The following C1QTNF3 variants were observed in gnomAD, a reference collection of about 807,000 sequenced individuals.
C1QTNF3 encodes C1q and TNF related 3.
C1QTNF3 carries 26 observed loss-of-function variants against 32.6 expected under a neutral mutation model. The observed-to-expected ratio is 0.80, with a 90% confidence interval of 0.58 to 1.11. The LOEUF is 1.11. Ranked by LOEUF, C1QTNF3 falls within the 50% of genes least tolerant of loss-of-function variation. The pLI is 0.00. For missense variants in C1QTNF3, 362 were observed against 398.2 expected, an observed-to-expected ratio of 0.91 and a Z score of 0.77; for synonymous variants, 155 against 146.0, an observed-to-expected ratio of 1.06 and a Z score of -0.44.
the C1QTNF3 span, among the ~76,000 whole-genome samples, chr5:34,159,060 C>T: frequency 6.6e-6 from 1 of 151,822 alleles, no homozygotes; most frequent in Non-Finnish European, 1.5e-5. Context: ...TTAAAAACAC[C>T]AAATAAGTCA....
At chr5:34,113,315 T>C in the C1QTNF3 span, among the ~76,000 whole-genome samples, 5 of 151,188 alleles carry the variant, frequency 3.3e-5, no homozygotes, top group African/African-American at 2.4e-5. Flanking sequence ...ATTAGCCAGA[T>C]ACCATGTGGT....
chr5:34,057,599 A>C, the C1QTNF3 span, among the ~76,000 whole-genome samples: 2 of 152,214 alleles, frequency 1.3e-5, no homozygotes, highest in Non-Finnish European at 2.9e-5. Flanking sequence ...TTCTCAAAAA[A>C]TATGGACCTT....
chr5:34,122,322 A>AAT, the C1QTNF3 span, among the ~76,000 whole-genome samples: 1 of 152,246 alleles, frequency 6.6e-6, no homozygotes, highest in African/African-American at 2.4e-5. Context: ...AGTAGTCAAG[A>AAT]ATATAATGCT....
chr5:34,203,671 G>A, the C1QTNF3 span, among the ~76,000 whole-genome samples: 879 of 151,614 alleles, frequency 5.8e-3, 10 homozygotes, highest in African/African-American at 0.021. Context: ...GGATGACAGA[G>A]TGAAACTCCA....
chr5:34,105,204 T>G, the C1QTNF3 span, among the ~76,000 whole-genome samples: 1 of 152,202 alleles, frequency 6.6e-6, no homozygotes, highest in Non-Finnish European at 1.5e-5. Context: ...TTAACTTTGA[T>G]TTCACTATGT....
chr5:34,164,643 A>T, the C1QTNF3 span: 1 of 152,046 alleles, frequency 6.6e-6, no homozygotes, highest in Admixed American at 6.6e-5. Context: ...TAAAAAAGCA[A>T]GGAGTGCTCA....
chr5:34,111,820 G>A, the C1QTNF3 span, among the ~76,000 whole-genome samples: 1 of 152,168 alleles, frequency 6.6e-6, no homozygotes, highest in Non-Finnish European at 1.5e-5. Context: ...TGGGATGAAA[G>A]TAAAAAACAA....
At chr5:34,225,331 T>C in the C1QTNF3 span, among the ~76,000 whole-genome samples, 1 of 152,006 alleles carries the variant, frequency 6.6e-6, no homozygotes, top group Admixed American at 6.6e-5. Flanking sequence ...ACTAACATTG[T>C]TTTGTTAATT....
chr5:34,084,665 A>G, the C1QTNF3 span, among the ~76,000 whole-genome samples: 9 of 150,676 alleles, frequency 6.0e-5, no homozygotes, highest in African/African-American at 9.9e-5. Context: ...TACTGAGGAT[A>G]ATAAACTGTA....
At chr5:34,030,495 G>T (rs2008827) in intron 3 of C1QTNF3, among the ~76,000 whole-genome samples, 4,346 of 152,162 alleles carry the variant, frequency 0.029, 70 homozygotes, top group Middle Eastern at 0.099. Context: ...TGGAGAATGG[G>T]GTAGTACTCT....
the C1QTNF3 span, among the ~76,000 whole-genome samples, chr5:34,219,054 G>T: frequency 6.6e-6 from 1 of 151,966 alleles, no homozygotes; most frequent in Non-Finnish European, 1.5e-5. Context: ...AATATATTTT[G>T]AATACTTTTT....
the C1QTNF3 span, among the ~76,000 whole-genome samples, chr5:34,048,379 A>C: frequency 6.6e-6 from 1 of 151,990 alleles, no homozygotes; most frequent in Non-Finnish European, 1.5e-5. Context: ...ATCAGGCTCC[A>C]AACAGAGAAA....
chr5:34,081,702 G>C, the C1QTNF3 span, among the ~76,000 whole-genome samples: 8 of 151,352 alleles, frequency 5.3e-5, no homozygotes, highest in Non-Finnish European at 8.8e-5. Flanking sequence ...GATATTTTAT[G>C]AGCCTAACTT....
At chr5:34,147,557 T>C in the C1QTNF3 span, among the ~76,000 whole-genome samples, 1 of 151,968 alleles carries the variant, frequency 6.6e-6, no homozygotes, top group East Asian at 1.9e-4. Context: ...AGCAAATTAG[T>C]GCAGGAACAC....
the C1QTNF3 span, among the ~76,000 whole-genome samples, chr5:34,197,538 A>G: frequency 6.6e-6 from 1 of 152,168 alleles, no homozygotes; most frequent in African/African-American, 2.4e-5. Flanking sequence ...TTTCCATTTA[A>G]AAATTACCCT....
At chr5:34,163,077 T>A in the C1QTNF3 span, among the ~76,000 whole-genome samples, 1 of 152,194 alleles carries the variant, frequency 6.6e-6, no homozygotes, top group Non-Finnish European at 1.5e-5. Flanking sequence ...ATAAAAAATA[T>A]AACTTCTGTA....
chr5:34,102,202 T>C, the C1QTNF3 span, among the ~76,000 whole-genome samples: 3 of 152,282 alleles, frequency 2.0e-5, no homozygotes, highest in Admixed American at 2.0e-4. Flanking sequence ...ATTACCTTTT[T>C]AAATACGCCA....
At chr5:34,172,436 TGGGC>T in the C1QTNF3 span, among the ~76,000 whole-genome samples, 1 of 5,920 alleles carries the variant, frequency 1.7e-4, no homozygotes, top group Admixed American at 2.8e-3. Context: ...TACCCGGGGT[TGGGC>T]GGGGGGGGCG....
At chr5:34,162,156 T>C in the C1QTNF3 span, among the ~76,000 whole-genome samples, 1 of 152,154 alleles carries the variant, frequency 6.6e-6, no homozygotes, top group Non-Finnish European at 1.5e-5. Flanking sequence ...CACAGACTTG[T>C]TAGTTTATAA....
Sources: gnomAD v4.1 joint callset for allele counts (sites outside exome capture counted in the v4.1 genomes callset) on GRCh38, gnomAD v4.1.1 for gene constraint, MANE v1.5 for transcripts, NCBI Gene and HGNC (gene_info 2026-07-23, HGNC 2026-07-21) for gene names.